Variants in SVOPL observed in about 807,000 individuals in gnomAD.
The protein encoded by SVOPL is putative transporter SVOPL.
SVOPL carries 60 observed loss-of-function variants against 61.0 expected under a neutral mutation model. The ratio of observed to expected loss-of-function variants is 0.98; its 90% CI spans 0.80 to 1.22. SVOPL has a LOEUF of 1.22. Among genes scored for constraint, SVOPL ranks in the 50% most tolerant of loss-of-function variants. The probability of loss-of-function intolerance (pLI) is 0.00; values close to 1 mark genes in which losing one functional copy is unlikely to be tolerated. For synonymous variants in SVOPL, 279 were observed against 250.0 expected (o/e 1.12, Z -1.09); for missense variants, 662 against 643.9 (o/e 1.03, Z -0.30).
rs368405935 is a variant in SVOPL at position 138,605,992 on chromosome 7, A to T, written c.1354-9462T>A. Among the ~76,000 whole-genome samples, 77 of 73,754 alleles carry T rather than the reference A, an allele frequency of 1.0e-3. 1 individual carries two copies. The highest frequency in any genetic ancestry group is 3.0e-3 in the East Asian group (6 of 2,004). The allele number at this position is 73,754 out of a possible 152,430, so 48.4% of individuals were successfully genotyped here. A position where few individuals can be genotyped will look rare whatever the true frequency, so the allele number is the denominator to read the frequency against. ...GTTGAATACAAATAAATTTTTTTTT[A>T]AATTGTTTTTTTCTATTTAAAAAAA... On this transcript the variant is annotated intron_variant, in intron 14 of 15. Transcript: ENST00000674285.
intron 4 of SVOPL, among the ~76,000 whole-genome samples, chr7:138,669,428 A>C (rs1802360046): frequency 6.6e-6 from 1 of 152,132 alleles, no homozygotes; most frequent in Non-Finnish European, 1.5e-5. Context: ...CAACAATGAC[A>C]ACAAAAAAAA....
intron 15 of SVOPL, 58 bp from the exon 16 acceptor site, chr7:138,594,679 A>T: frequency 4.7e-6 from 6 of 1,268,650 alleles, no homozygotes; most frequent in Non-Finnish European, 6.5e-6. Flanking sequence ...TTGTCCATTC[A>T]TACTGAGCTA....
In SVOPL at chr7:138,674,304, C is replaced by T. The variant is rs909242345; in HGVS notation, c.175-2187G>A. On this transcript the variant is annotated intron_variant, in intron 3 of 15. Transcript: ENST00000674285. ...GGATGCTGTTATATACACCGTCACACGAGGCCCGGAAACCCAACTGCTGCT... is the reference window on the plus strand; with the variant it reads ...GGATGCTGTTATATACACCGTCACATGAGGCCCGGAAACCCAACTGCTGCT... Among the ~76,000 whole-genome samples the T allele has an allele frequency of 7.2e-5, 11 of 151,996 alleles. No individual in the cohort carries two copies. In the South Asian group the frequency reaches 8.3e-4, roughly 11 times the overall value.
At position 138,615,560 on chromosome 7, in the gene SVOPL, CAAAAA is replaced by C. The variant is rs770404185; in HGVS notation, c.1353+5481_1353+5485del. On this transcript the variant is annotated intron_variant, in intron 14 of 15. Coordinates refer to ENST00000674285, the MANE Select transcript of SVOPL (RefSeq NM_001139456.2). Reference sequence around the variant, plus strand: ...GGGTGACAGAGCGAGACTCCGTCTCCAAAAAAAAAAAAAAAAAAAAAAAAAAAAGT... The same window carrying C: ...GGGTGACAGAGCGAGACTCCGTCTCCAAAAAAAAAAAAAAAAAAAAAAAGT... Among the ~76,000 whole-genome samples, 6 of 5,542 alleles carry C rather than the reference CAAAAA, an allele frequency of 1.1e-3. 1 individual carries two copies. The highest frequency in any genetic ancestry group is 1.3e-3 in the African/African-American group (4 of 3,014). The allele number at this position is 5,542 out of a possible 152,430, so 3.6% of individuals were successfully genotyped here.
In SVOPL at chr7:138,649,024, G is replaced by T. The variant is rs140188327; in HGVS notation, c.648C>A (p.Ile216=). 394 of 1,613,750 alleles carry T rather than the reference G, an allele frequency of 2.4e-4. No individual in the cohort carries two copies. Among genetic ancestry groups the T allele is most frequent in the Non-Finnish European group, 3.3e-4 (386 of 1,179,922 alleles). The change falls in exon 8 of 16, where the codon ATC becomes ATA. Residue 216 remains isoleucine (I), a synonymous_variant. Transcript: ENST00000674285. The part of the protein sequence containing the change: ...RVASIPGIIL[I]VAFKFIPESA... ...AGTGCTTCCCCACCTTGAAGGCCACGATGAGGATGATGCCCGGGATGGAGG... is the reference window on the plus strand; with the variant it reads ...AGTGCTTCCCCACCTTGAAGGCCACTATGAGGATGATGCCCGGGATGGAGG...
At chr7:138,643,439 A>AAAG (rs1418166656) in intron 9 of SVOPL, among the ~76,000 whole-genome samples, 4 of 151,542 alleles carry the variant, frequency 2.6e-5, no homozygotes, top group African/African-American at 9.7e-5. Context: ...AAAAAAAAAA[A>AAAG]AAAGAAAGTG....
chr7:138,629,821 T>C (rs1800090855), intron 10 of SVOPL, among the ~76,000 whole-genome samples: 2 of 152,230 alleles, frequency 1.3e-5, no homozygotes, highest in Non-Finnish European at 1.5e-5. Flanking sequence ...AAGAAAAATT[T>C]AAGAACTGGT....
rs1798200175 is a variant in SVOPL at position 138,594,490 on chromosome 7, A to T, written c.*120T>A. ...ATTCCCATATATGCCTTTAAAAAAA[A>T]AATCACTTTACTAATTACCGAGTAG... On this transcript the variant is annotated 3_prime_UTR_variant, in exon 16 of 16. Coordinates refer to ENST00000674285, the MANE Select transcript of SVOPL (RefSeq NM_001139456.2). The T allele has an allele frequency of 7.2e-6, 6 of 838,840 alleles. No homozygotes were observed. Among genetic ancestry groups the T allele is most frequent in the Non-Finnish European group, 1.1e-5 (6 of 561,496 alleles). 52.0% of individuals were successfully genotyped at this position (838,840 alleles called of 1,614,324 possible). A position where few individuals can be genotyped will look rare whatever the true frequency, so the allele number is the denominator to read the frequency against.
intron 12 of SVOPL, 137 bp from the exon 13 acceptor site, chr7:138,626,187 G>T: frequency 2.5e-6 from 2 of 799,818 alleles, no homozygotes; most frequent in Non-Finnish European, 4.0e-6. Flanking sequence ...CTGCTTCTCA[G>T]CTGGCCTGAT....
chr7:138,685,942 T>C (rs551000350), intron 1 of SVOPL, among the ~76,000 whole-genome samples: 1 of 152,158 alleles, frequency 6.6e-6, no homozygotes, highest in East Asian at 1.9e-4. Context: ...CTTTATGGCA[T>C]AGATGGTGGT....
chr7:138,630,951 G>GAAA (rs57139655), intron 9 of SVOPL, among the ~76,000 whole-genome samples: 3 of 76,334 alleles, frequency 3.9e-5, no homozygotes, highest in Non-Finnish European at 3.2e-5. Context: ...CTCAAAAAAA[G>GAAA]AAAAAAAAAA....
intron 13 of SVOPL, among the ~76,000 whole-genome samples, chr7:138,622,258 CTATCTATCTA>C (rs1799692147): frequency 3.4e-5 from 3 of 87,636 alleles, no homozygotes; most frequent in African/African-American, 1.2e-4. Context: ...ATCTATGTAT[CTATCTATCTA>C]TGTATCTATC....
At chr7:138,696,415 TTTGTTG>T (rs542272465) in intron 1 of SVOPL, among the ~76,000 whole-genome samples, 1 of 151,406 alleles carries the variant, frequency 6.6e-6, no homozygotes, top group Non-Finnish European at 1.5e-5. Flanking sequence ...GTTGTTGTTG[TTTGTTG>T]TTGTTGTTGT....
chr7:138,686,071 A>G (rs950320270), intron 1 of SVOPL, among the ~76,000 whole-genome samples: 11 of 151,996 alleles, frequency 7.2e-5, no homozygotes, highest in Non-Finnish European at 1.6e-4. Context: ...GAAACAAAAA[A>G]ATCTCAAGCC....
intron 14 of SVOPL, among the ~76,000 whole-genome samples, chr7:138,606,162 G>A (rs1030990631): frequency 6.6e-6 from 1 of 152,108 alleles, no homozygotes; most frequent in African/African-American, 2.4e-5. Flanking sequence ...TATTGGAAGA[G>A]ATTGATTTTA....
At chr7:138,633,676 C>T (rs527444220) in intron 9 of SVOPL, among the ~76,000 whole-genome samples, 1 of 151,820 alleles carries the variant, frequency 6.6e-6, no homozygotes, top group East Asian at 1.9e-4. Context: ...TTTTGAGATA[C>T]ATATAATAAT....
At chr7:138,628,633 T>C (rs1477026169) in intron 10 of SVOPL, among the ~76,000 whole-genome samples, 1 of 152,212 alleles carries the variant, frequency 6.6e-6, no homozygotes, top group Admixed American at 6.5e-5. Flanking sequence ...TTTTTCAAAG[T>C]GGCTGTACTA....
intron 3 of SVOPL, among the ~76,000 whole-genome samples, chr7:138,673,017 G>T (rs1802469030): frequency 6.6e-6 from 1 of 151,988 alleles, no homozygotes; most frequent in Admixed American, 6.6e-5. Flanking sequence ...AGATGACTGA[G>T]ATTTTGTGTC....
chr7:138,656,273 A>T (rs1801724414), intron 7 of SVOPL, among the ~76,000 whole-genome samples, 175 bp downstream of exon 7: 2 of 152,324 alleles, frequency 1.3e-5, no homozygotes, highest in African/African-American at 4.8e-5. Flanking sequence ...GTATAGTGTA[A>T]ACATAACATT....
Sources: gnomAD v4.1 joint callset for allele counts (sites outside exome capture counted in the v4.1 genomes callset) on GRCh38, gnomAD v4.1.1 for gene constraint, MANE v1.5 for transcripts, NCBI Gene and HGNC (gene_info 2026-07-23, HGNC 2026-07-21) for gene names.